The following SIDT1 variants were observed in gnomAD, a reference collection of about 807,000 sequenced individuals.
SIDT1 encodes SID1 transmembrane family member 1, also known as SID1 transmembrane family, member 1.
A neutral mutation model predicts 107.5 loss-of-function variants in SIDT1; 101 were observed. The observed-to-expected ratio is 0.94, with a 90% CI of 0.80 to 1.11. The LOEUF (loss-of-function observed/expected upper bound fraction) is 1.11. Ranked by LOEUF, SIDT1 falls within the 50% of genes least tolerant of loss-of-function variation. SIDT1 has a pLI of 0.00. For missense variants in SIDT1, 1,076 were observed against 1,058.2 expected, an observed-to-expected ratio of 1.02 and a Z score of -0.23; for synonymous variants, 395 against 398.2, an observed-to-expected ratio of 0.99 and a Z score of 0.10.
intron 3 of SIDT1, among the ~76,000 whole-genome samples, chr3:113,571,486 G>GCGCACACACACACACA (rs1553789357): frequency 1.3e-5 from 2 of 148,852 alleles, no homozygotes; most frequent in African/African-American, 5.0e-5. Context: ...CCTATCCTCT[G>GCGCACACACACACACA]CACACACACA....
chr3:113,602,853 T>A, intron 11 of SIDT1, 152 bp from the exon 12 acceptor site: 1 of 683,796 alleles, frequency 1.5e-6, no homozygotes, highest in Non-Finnish European at 2.3e-6. Flanking sequence ...TGAGAAGGAA[T>A]AGAGAGAAAG....
At chr3:113,558,634 G>A (rs1026552844) in intron 1 of SIDT1, among the ~76,000 whole-genome samples, 1 of 152,158 alleles carries the variant, frequency 6.6e-6, no homozygotes, top group African/African-American at 2.4e-5. Flanking sequence ...ATATAGGTAG[G>A]TATCCATCTG....
rs141048972 is a variant in SIDT1, at chr3:113,579,005, C to T, written c.562-1603C>T. ...CTCATTTTCACCTATATTTTGTATC[C>T]TCTTTGATTACAGGAAATATTTTCT... is the stretch of plus-strand genomic sequence containing the variant. On this transcript the variant is annotated intron_variant, in intron 4 of 24. Coordinates refer to ENST00000264852, the MANE Select transcript of SIDT1 (RefSeq NM_017699.3). 1.3e-3 allele frequency among the ~76,000 whole-genome samples: 203 copies of T among 152,250 alleles called. 1 individual carries two copies. Among genetic ancestry groups the T allele is most frequent in the African/African-American group, 4.4e-3 (181 of 41,558 alleles).
At chr3:113,608,981 C>A (rs976159626) in intron 17 of SIDT1, among the ~76,000 whole-genome samples, 4 of 151,208 alleles carry the variant, frequency 2.6e-5, no homozygotes, top group Admixed American at 1.3e-4. Flanking sequence ...CAATTAAGAG[C>A]AAGGAAGTTG....
intron 1 of SIDT1, among the ~76,000 whole-genome samples, chr3:113,550,179 T>C (rs1940055577): frequency 6.6e-6 from 1 of 152,230 alleles, no homozygotes; most frequent in South Asian, 2.1e-4. Context: ...CCTTTCCCTA[T>C]GTATCTGTGT....
chr3:113,620,815 G>GACC (rs1669730827), intron 21 of SIDT1, among the ~76,000 whole-genome samples: 1 of 152,130 alleles, frequency 6.6e-6, no homozygotes, highest in Non-Finnish European at 1.5e-5. Context: ...GGAGAAAAGG[G>GACC]ACCAACCTCT....
intron 1 of SIDT1, among the ~76,000 whole-genome samples, chr3:113,559,630 GA>G (rs762272810): frequency 2.6e-4 from 40 of 151,968 alleles, no homozygotes; most frequent in Non-Finnish European, 1.0e-4. Context: ...TTTAAATAGA[GA>G]CAGAGGTTTT....
chr3:113,559,445 T>A (rs942542319), intron 1 of SIDT1, among the ~76,000 whole-genome samples: 2 of 151,870 alleles, frequency 1.3e-5, no homozygotes, highest in East Asian at 1.9e-4. Flanking sequence ...ATTTTTTTTT[T>A]TTTTTATTTT....
At chr3:113,561,075 C>G (rs971675879) in intron 1 of SIDT1, among the ~76,000 whole-genome samples, 1 of 152,204 alleles carries the variant, frequency 6.6e-6, no homozygotes. Context: ...AATCTTAGCT[C>G]TTAGGAATGG....
chr3:113,545,210 A>G (rs1277604205), intron 1 of SIDT1, among the ~76,000 whole-genome samples: 2 of 150,872 alleles, frequency 1.3e-5, no homozygotes, highest in Non-Finnish European at 1.5e-5. Context: ...TTCAACAACT[A>G]GTTTTAGCAT....
intron 1 of SIDT1, among the ~76,000 whole-genome samples, chr3:113,537,115 A>T (rs1938261758): frequency 6.6e-6 from 1 of 152,172 alleles, no homozygotes; most frequent in Non-Finnish European, 1.5e-5. Context: ...AAATCTAACC[A>T]CTGGGCAACA....
intron 9 of SIDT1, among the ~76,000 whole-genome samples, chr3:113,586,399 A>G (rs556534337): frequency 6.6e-6 from 1 of 152,342 alleles, no homozygotes; most frequent in South Asian, 2.1e-4. Flanking sequence ...AGCCATTAGC[A>G]GATACTGATA....
intron 4 of SIDT1, 35 bp from the exon 5 acceptor site, chr3:113,580,573 A>C: frequency 7.6e-7 from 1 of 1,320,200 alleles, no homozygotes; most frequent in Non-Finnish European, 1.1e-6. Flanking sequence ...CATTCATGTA[A>C]ATATAAATCA....
chr3:113,611,903 C>T (rs1444373205), intron 18 of SIDT1, among the ~76,000 whole-genome samples, 183 bp from the exon 19 acceptor site: 1 of 139,716 alleles, frequency 7.2e-6, no homozygotes, highest in African/African-American at 2.8e-5. Flanking sequence ...TCATTTGGCC[C>T]AGTAGCCTTT....
At chr3:113,627,476 A>G (rs185462205) in intron 24 of SIDT1, among the ~76,000 whole-genome samples, 170 bp from the exon 25 acceptor site, 1 of 152,344 alleles carries the variant, frequency 6.6e-6, no homozygotes, top group Admixed American at 6.5e-5. Context: ...AATGAATTGT[A>G]TAATTATAAT....
chr3:113,619,613 C>T (rs1946323280), intron 20 of SIDT1, 67 bp from the exon 21 acceptor site: 1 of 1,372,364 alleles, frequency 7.3e-7, no homozygotes, highest in Non-Finnish European at 1.0e-6. Context: ...GATACTTCTA[C>T]ACAGTAGGTT....
At chr3:113,550,083 C>T (rs895245494) in intron 1 of SIDT1, among the ~76,000 whole-genome samples, 4 of 152,210 alleles carry the variant, frequency 2.6e-5, no homozygotes, top group Admixed American at 2.0e-4. Flanking sequence ...AGCAGCCCCA[C>T]ACCTGGTGCT....
intron 11 of SIDT1, 191 bp downstream of exon 11, chr3:113,601,850 T>C: frequency 1.9e-6 from 1 of 520,890 alleles, no homozygotes; most frequent in South Asian, 2.7e-5. Context: ...TCCAGTTCTG[T>C]TGTTCTGTTT....
At chr3:113,601,956 T>G (rs1944988717) in intron 11 of SIDT1, 3 of 273,254 alleles carry the variant, frequency 1.1e-5, no homozygotes, top group African/African-American at 2.2e-5. Context: ...AGCCCGGGTT[T>G]AGGGCATGAA....
Sources: allele counts gnomAD v4.1 joint callset (sites outside exome capture counted in the v4.1 genomes callset), GRCh38; gene constraint gnomAD v4.1.1; transcripts MANE v1.5; gene names NCBI Gene and HGNC (gene_info 2026-07-23, HGNC 2026-07-21).